Variants in ARHGAP20 observed in about 807,000 individuals in gnomAD.
ARHGAP20 encodes rho GTPase-activating protein 20.
In ARHGAP20, 34 loss-of-function variants were observed where a neutral mutation model predicts 73.7. That is an observed-to-expected ratio of 0.46 (90% confidence interval 0.35 to 0.61). The LOEUF (loss-of-function observed/expected upper bound fraction) is 0.61. Ranked by LOEUF, ARHGAP20 falls within the 20% of genes least tolerant of loss-of-function variation. The pLI is 0.00. For synonymous variants in ARHGAP20, 523 were observed against 518.2 expected (o/e 1.01, Z -0.13); for missense variants, 1,314 against 1,420.9 (o/e 0.92, Z 1.21).
chr11:110,666,934 G>A (rs549256617), intron 2 of ARHGAP20, among the ~76,000 whole-genome samples: 3 of 152,302 alleles, frequency 2.0e-5, no homozygotes, highest in South Asian at 2.1e-4. Flanking sequence ...TCCAGAGCAA[G>A]GCTCTAAATC....
intron 2 of ARHGAP20, among the ~76,000 whole-genome samples, chr11:110,641,923 T>C (rs113527681): frequency 2.5e-4 from 38 of 152,184 alleles, no homozygotes; most frequent in African/African-American, 8.4e-4. Context: ...GAGAAATTTA[T>C]ATGTGTAATG....
chr11:110,604,214 A>G (rs1948171440), intron 9 of ARHGAP20, among the ~76,000 whole-genome samples: 1 of 152,194 alleles, frequency 6.6e-6, no homozygotes, highest in Admixed American at 6.5e-5. Flanking sequence ...GTTGTTCATC[A>G]AATTCTTTTG....
intron 1 of ARHGAP20, chr11:110,711,586 C>T (rs1950657394): frequency 1.4e-6 from 2 of 1,476,472 alleles, no homozygotes; most frequent in Non-Finnish European, 1.8e-6. Flanking sequence ...CCGAAAACTG[C>T]TATGGAGCAG....
chr11:110,705,474 A>G (rs977128747), intron 1 of ARHGAP20, among the ~76,000 whole-genome samples: 3 of 152,184 alleles, frequency 2.0e-5, no homozygotes, highest in African/African-American at 7.2e-5. Flanking sequence ...TATGAATTCC[A>G]ACTGCCTATT....
At chr11:110,616,686 CT>C (rs58360001) in intron 4 of ARHGAP20, among the ~76,000 whole-genome samples, 7,662 of 140,032 alleles carry the variant, frequency 0.055, 556 homozygotes, top group African/African-American at 0.17. Flanking sequence ...ACATTTTTTT[CT>C]TTTTTTTTTT....
At chr11:110,595,334 G>C (rs1410529669) in intron 9 of ARHGAP20, among the ~76,000 whole-genome samples, 1 of 152,150 alleles carries the variant, frequency 6.6e-6, no homozygotes, top group African/African-American at 2.4e-5. Context: ...ATTCAATTAG[G>C]AAAAGAGGAA....
chr11:110,711,549 G>A, intron 1 of ARHGAP20: 1 of 1,346,242 alleles, frequency 7.4e-7, no homozygotes, highest in South Asian at 1.6e-5. Flanking sequence ...CCCTGGTGTG[G>A]GGGGCAGTAC....
At chr11:110,662,047 C>G (rs903090410) in intron 2 of ARHGAP20, among the ~76,000 whole-genome samples, 1 of 151,812 alleles carries the variant, frequency 6.6e-6, no homozygotes, top group Admixed American at 6.6e-5. Context: ...AAAAGTATCT[C>G]TATGTACTGG....
At chr11:110,622,365 GA>G (rs1948647656) in intron 4 of ARHGAP20, among the ~76,000 whole-genome samples, 1 of 152,134 alleles carries the variant, frequency 6.6e-6, no homozygotes, top group Non-Finnish European at 1.5e-5. Context: ...AGAAATTTTA[GA>G]TTTCCGTAAA....
chr11:110,630,512 A>G (rs1948837732), intron 3 of ARHGAP20, 116 bp downstream of exon 3: 1 of 1,106,074 alleles, frequency 9.0e-7, no homozygotes, highest in African/African-American at 1.6e-5. Flanking sequence ...CACTTTAGAT[A>G]TTACCTATAG....
Position 110,583,613 on chromosome 11 carries a change from C to A in ARHGAP20, c.1540G>T (p.Ala514Ser), listed in dbSNP as rs748439390. Residue 514 changes from alanine (A) to serine (S), a missense_variant, in exon 13 of 15, where the codon GCT (alanine) becomes TCT (serine). This residue lies in a region of ARHGAP20 where 230 missense variants were observed against 317.6 expected (regional missense o/e 0.72). Coordinates refer to ENST00000683387, the MANE Select transcript of ARHGAP20 (RefSeq NM_001384657.1). ...GCAGGAGGCCAAAGAATACTTGGAGCGACACACACAGCTAAATTAAATGCA... is the reference window on the plus strand; with the variant it reads ...GCAGGAGGCCAAAGAATACTTGGAGAGACACACACAGCTAAATTAAATGCA... ...MTAFNLAVCV[A>S]PSILWPPASS... 6.2e-7 allele frequency: 1 copy of A among 1,611,986 alleles called. No homozygotes were observed. Among genetic ancestry groups the A allele is most frequent in the African/African-American group, 1.3e-5 (1 of 74,806 alleles).
intron 2 of ARHGAP20, among the ~76,000 whole-genome samples, chr11:110,679,178 T>C (rs1325070975): frequency 5.9e-5 from 9 of 152,160 alleles, no homozygotes; most frequent in African/African-American, 1.9e-4. Context: ...GGTTCCTCCA[T>C]AGGGCTGCTC....
chr11:110,702,176 G>C (rs886650835), intron 1 of ARHGAP20, among the ~76,000 whole-genome samples: 6 of 152,170 alleles, frequency 3.9e-5, no homozygotes, highest in Admixed American at 3.3e-4. Context: ...ACATCAAAAA[G>C]CTTATCCACC....
At chr11:110,598,125 A>G (rs1268118016) in intron 9 of ARHGAP20, among the ~76,000 whole-genome samples, 6 of 152,278 alleles carry the variant, frequency 3.9e-5, no homozygotes, top group South Asian at 2.1e-4. Flanking sequence ...AAAATGTTAG[A>G]AATTCTACTC....
chr11:110,603,922 G>T (rs1435142886), intron 9 of ARHGAP20, among the ~76,000 whole-genome samples: 1 of 152,122 alleles, frequency 6.6e-6, no homozygotes, highest in Non-Finnish European at 1.5e-5. Flanking sequence ...CTCAAATTTT[G>T]ATGGCTAGAT....
chr11:110,673,076 C>CA (rs1225596379), intron 2 of ARHGAP20, among the ~76,000 whole-genome samples: 5 of 151,908 alleles, frequency 3.3e-5, no homozygotes, highest in Non-Finnish European at 7.4e-5. Flanking sequence ...AGATGAATCT[C>CA]AAAAAAATCC....
At chr11:110,608,834 A>T in intron 8 of ARHGAP20, 150 bp downstream of exon 8, 1 of 600,144 alleles carries the variant, frequency 1.7e-6, no homozygotes, top group Non-Finnish European at 2.9e-6. Context: ...AGCACATAGT[A>T]AATCTTTGAT....
At chr11:110,664,238 C>T (rs534793649) in intron 2 of ARHGAP20, among the ~76,000 whole-genome samples, 2 of 152,242 alleles carry the variant, frequency 1.3e-5, no homozygotes, top group Admixed American at 1.3e-4. Flanking sequence ...AGAAGTAAAA[C>T]TGTGCTTGTT....
intron 4 of ARHGAP20, 149 bp from the exon 5 acceptor site, chr11:110,615,743 G>T: frequency 2.9e-6 from 2 of 683,816 alleles, no homozygotes; most frequent in Non-Finnish European, 5.0e-6. Context: ...GCATAATTGT[G>T]TTCTGGAGAA....
Sources: gnomAD v4.1 joint callset for allele counts (sites outside exome capture counted in the v4.1 genomes callset) on GRCh38, gnomAD v4.1.1 for gene constraint, gnomAD v4.1.1 regional missense constraint, MANE v1.5 for transcripts, NCBI Gene and HGNC (gene_info 2026-07-23, HGNC 2026-07-21) for gene names.